Variants in OPA1 observed in about 807,000 individuals in gnomAD.
OPA1 encodes OPA1 mitochondrial dynamin like GTPase, also known as dynamin-like GTPase OPA1, mitochondrial.
A neutral mutation model predicts 152.9 loss-of-function variants in OPA1; 59 were observed. That is an observed-to-expected ratio of 0.39 (90% CI 0.31 to 0.48). The LOEUF is 0.48. Ranked by LOEUF, OPA1 falls within the 20% of genes least tolerant of loss-of-function variation. The probability of loss-of-function intolerance (pLI) is 0.96; values close to 1 mark genes in which losing one functional copy is unlikely to be tolerated. For synonymous variants in OPA1, 400 were observed against 389.9 expected, an observed-to-expected ratio of 1.03 and a Z score of -0.31; for missense variants, 1,008 against 1,216.8, an observed-to-expected ratio of 0.83 and a Z score of 2.55.
chr3:193,676,043 GCTTTCATCTATATCAAAACCA>G (rs1432720141), intron 29 of OPA1, among the ~76,000 whole-genome samples: 31 of 152,158 alleles, frequency 2.0e-4, no homozygotes, highest in Non-Finnish European at 4.1e-4. Context: ...GTGCAGTCTG[GCTTTCATCTATATCAAAACCA>G]CTTATTGATA....
At chr3:193,653,453 A>G (rs1472692518) in intron 21 of OPA1, among the ~76,000 whole-genome samples, 1 of 152,160 alleles carries the variant, frequency 6.6e-6, no homozygotes, top group Non-Finnish European at 1.5e-5. Context: ...GATTATTCTT[A>G]AGAAGGATCC....
intron 21 of OPA1, 21 bp from the exon 22 acceptor site, chr3:193,654,841 T>C: frequency 6.2e-7 from 1 of 1,611,682 alleles, no homozygotes; most frequent in Non-Finnish European, 8.5e-7. Flanking sequence ...ATTTGGTGCT[T>C]TTGATACTTT....
intron 25 of OPA1, among the ~76,000 whole-genome samples, chr3:193,661,928 TTAG>T (rs1715360347): frequency 6.6e-6 from 1 of 152,218 alleles, no homozygotes; most frequent in African/African-American, 2.4e-5. Context: ...AGAGTATTAA[TTAG>T]TAGTTCCATT....
intron 29 of OPA1, among the ~76,000 whole-genome samples, chr3:193,679,074 G>A (rs1305747716): frequency 2.0e-5 from 3 of 152,024 alleles, no homozygotes; most frequent in Non-Finnish European, 2.9e-5. Context: ...AGTGGGAATT[G>A]AACATTGAGA....
At chr3:193,679,196 T>A (rs1478222765) in intron 29 of OPA1, among the ~76,000 whole-genome samples, 1 of 152,098 alleles carries the variant, frequency 6.6e-6, no homozygotes, top group African/African-American at 2.4e-5. Flanking sequence ...GGCACACGTA[T>A]ACCTGTGTAG....
At chr3:193,608,508 C>T (rs1308491599) in intron 1 of OPA1, among the ~76,000 whole-genome samples, 5 of 152,256 alleles carry the variant, frequency 3.3e-5, no homozygotes, top group South Asian at 2.1e-4. Flanking sequence ...TGTAGTTGAG[C>T]AGTTTTGAGT....
rs776128217 is a variant in OPA1 at position 193,642,970 on chromosome 3, A to G, written c.1231-5A>G. 1.9e-6 allele frequency: 3 copies of G among 1,613,054 alleles called. No individual in the cohort carries two copies. Among genetic ancestry groups the G allele is most frequent in the South Asian group, 2.2e-5 (2 of 91,054 alleles). On this transcript the variant is annotated splice_polypyrimidine_tract_variant and splice_region_variant and intron_variant, in intron 12 of 30. Transcript: ENST00000361510. ...ATTTTCTTAGGATTTTGTGTTTTCC[A>G]TTAGCTTGCAGCATTAAGACATGAA...
intron 29 of OPA1, among the ~76,000 whole-genome samples, chr3:193,675,392 C>T (rs527333258): frequency 1.3e-5 from 2 of 148,354 alleles, no homozygotes; most frequent in East Asian, 2.0e-4. Flanking sequence ...CCGAAGAGAA[C>T]GTGTGAGCTC....
rs991491769 is a variant in OPA1, at chr3:193,689,845, C to T, written c.2984-2218C>T. Among the ~76,000 whole-genome samples, 9 of 152,048 alleles carry T rather than the reference C, an allele frequency of 5.9e-5. No homozygotes were observed. The East Asian group carries it at 1.7e-3, about 29-fold the overall frequency. ...TCTCAATGAAATGTGGAGAGAAGCA[C>T]CCGTTTGAGATTCCCGTGTGTTGTG... is the stretch of plus-strand genomic sequence containing the variant. On this transcript the variant is annotated intron_variant, in intron 29 of 30. Transcript: ENST00000361510.
chr3:193,693,122 G>A (rs186267525), intron 30 of OPA1, among the ~76,000 whole-genome samples: 1 of 151,966 alleles, frequency 6.6e-6, no homozygotes, highest in Non-Finnish European at 1.5e-5. Context: ...AATGTAAAAG[G>A]TTCCCTCCCT....
chr3:193,623,457 A>T (rs1730518004), intron 6 of OPA1, among the ~76,000 whole-genome samples: 1 of 152,186 alleles, frequency 6.6e-6, no homozygotes, highest in Admixed American at 6.5e-5. Context: ...AATTAAAAAA[A>T]AACAGGACTT....
At chr3:193,642,245 C>T (rs1278411654) in intron 11 of OPA1, among the ~76,000 whole-genome samples, 1 of 152,190 alleles carries the variant, frequency 6.6e-6, no homozygotes, top group Non-Finnish European at 1.5e-5. Flanking sequence ...TCACTCTCTT[C>T]TATTATGTCT....
At chr3:193,661,445 A>C (rs371491301) in intron 25 of OPA1, among the ~76,000 whole-genome samples, 2 of 152,292 alleles carry the variant, frequency 1.3e-5, no homozygotes, top group East Asian at 3.9e-4. Flanking sequence ...TCCCAGTTGA[A>C]GACAAGTGTT....
At chr3:193,663,958 CTT>C (rs1715921962) in intron 26 of OPA1, among the ~76,000 whole-genome samples, 1 of 152,094 alleles carries the variant, frequency 6.6e-6, no homozygotes, top group South Asian at 2.1e-4. Flanking sequence ...CAGTTTGACA[CTT>C]TTAAACGTTA....
intron 1 of OPA1, chr3:193,613,855 G>A (rs189062733): frequency 1.8e-4 from 94 of 508,296 alleles, no homozygotes; most frequent in South Asian, 1.0e-3. Context: ...TGGGATTACA[G>A]GTGTGAGCCA....
chr3:193,598,526 G>A (rs140472155), intron 1 of OPA1, among the ~76,000 whole-genome samples: 1 of 152,324 alleles, frequency 6.6e-6, no homozygotes, highest in Non-Finnish European at 1.5e-5. Flanking sequence ...GGTACAGGCA[G>A]AGAGAAAAAC....
At chr3:193,670,448 C>T (rs1985005) in intron 29 of OPA1, among the ~76,000 whole-genome samples, 73,684 of 150,140 alleles carry the variant, frequency 0.49, 18,526 homozygotes, top group African/African-American at 0.56. Context: ...TGCAGTGGCA[C>T]GATCTCGGCT....
chr3:193,609,039 T>G (rs1333057648), intron 1 of OPA1, among the ~76,000 whole-genome samples: 1 of 152,210 alleles, frequency 6.6e-6, no homozygotes, highest in Non-Finnish European at 1.5e-5. Flanking sequence ...TGCCTTTTTT[T>G]GTTTTCCATT....
chr3:193,623,159 A>G (rs571161839), intron 6 of OPA1, among the ~76,000 whole-genome samples: 1 of 152,198 alleles, frequency 6.6e-6, no homozygotes, highest in South Asian at 2.1e-4. Context: ...CTATATCCTT[A>G]CATAGCAAAA....
Sources: gnomAD v4.1 joint callset for allele counts (sites outside exome capture counted in the v4.1 genomes callset) on GRCh38, gnomAD v4.1.1 for gene constraint, MANE v1.5 for transcripts, NCBI Gene and HGNC (gene_info 2026-07-23, HGNC 2026-07-21) for gene names.